FUT4: variants seen among roughly 807,000 people sequenced by gnomAD.
FUT4 encodes fucosyltransferase 4, also known as alpha-(1,3)-fucosyltransferase 4.
FUT4 carries 1 observed loss-of-function variant against 3.8 expected under a neutral mutation model. That is an observed-to-expected ratio of 0.26 (90% CI 0.09 to 1.25). The LOEUF (loss-of-function observed/expected upper bound fraction) is 1.25. FUT4 is among the 50% of genes most tolerant of loss of function. The probability of loss-of-function intolerance (pLI) is 0.47; values close to 1 mark genes in which losing one functional copy is unlikely to be tolerated. For missense variants in FUT4, 880 were observed against 768.2 expected (o/e 1.15, Z -1.72); for synonymous variants, 417 against 355.3 (o/e 1.17, Z -1.95).
chr11:94,545,963 T>C lies in FUT4; in HGVS notation c.*237T>C. 1.5e-6 allele frequency: 1 copy of C among 676,916 alleles called. No individual in the cohort carries two copies. Among genetic ancestry groups the C allele is most frequent in the East Asian group, 2.9e-5 (1 of 34,390 alleles). The allele number at this position is 676,916 out of a possible 1,614,324, so 41.9% of individuals were successfully genotyped here. On this transcript the variant is annotated 3_prime_UTR_variant, in exon 1 of 1. Transcript: ENST00000358752. Reference sequence around the variant, plus strand: ...TCCCTTTGCTGCTGATGGGCATCATTGTTTAGGGGTGAAGGAGGGGGTTCT... The same window carrying C: ...TCCCTTTGCTGCTGATGGGCATCATCGTTTAGGGGTGAAGGAGGGGGTTCT...
Position 94,544,784 on chromosome 11 carries a change from C to A in FUT4, c.651C>A (p.Ile217=). The change falls in exon 1 of 1, where the codon ATC becomes ATA. Residue 217 remains isoleucine, a synonymous_variant. Transcript: ENST00000358752. ...CTGACTGCCGGCTGCGCTTCAACAT[C>A]AGCGGCTGCCGCCTGCTCACCGACC... is the stretch of plus-strand genomic sequence containing the variant. ...PPPDCRLRFN[I]SGCRLLTDRA... 1 of 1,589,394 alleles carries A rather than the reference C, an allele frequency of 6.3e-7. No individual in the cohort carries two copies. The highest frequency in any genetic ancestry group is 1.3e-5 in the African/African-American group (1 of 74,670).
rs1565260095 is a variant in FUT4, at chr11:94,546,824, A to G, written c.*1098A>G. The G allele has an allele frequency of 6.0e-6, 1 of 167,020 alleles. No individual in the cohort carries two copies. Among genetic ancestry groups the G allele is most frequent in the Admixed American group, 6.5e-5 (1 of 15,292 alleles). 10.3% of individuals were successfully genotyped at this position (167,020 alleles called of 1,614,324 possible). A position where few individuals can be genotyped will look rare whatever the true frequency, so the allele number is the denominator to read the frequency against. ...ATTATGGAATCATGCAAAAGGAAAA[A>G]AAGTTTCATGATATCTGTTGTTGGC... On this transcript the variant is annotated 3_prime_UTR_variant, in exon 1 of 1. Coordinates refer to ENST00000358752, the MANE Select transcript of FUT4 (RefSeq NM_002033.4).
Position 94,545,234 on chromosome 11 carries a change from C to G in FUT4, c.1101C>G (p.Arg367=), listed in dbSNP as rs1427167278. 1 of 1,611,076 alleles carries G rather than the reference C, an allele frequency of 6.2e-7. No homozygotes were observed. The highest frequency in any genetic ancestry group is 8.5e-7 in the Non-Finnish European group (1 of 1,179,802). ...VAWVVSHWDE[R]QARVRYYHQL... is the part of the protein sequence containing the mutation. ...GGGTGGTGAGCCACTGGGACGAGCG[C>G]CAGGCCCGGGTCCGCTACTACCACC... The change falls in exon 1 of 1, where the codon CGC becomes CGG. Residue 367 remains arginine, a synonymous_variant. Transcript: ENST00000358752.
Position 94,549,270 on chromosome 11 carries a change from G to C in FUT4, c.*3544G>C, listed in dbSNP as rs1947900415. 6.0e-6 allele frequency: 1 copy of C among 167,054 alleles called. No homozygotes were observed. The highest frequency in any genetic ancestry group is 6.5e-5 in the Admixed American group (1 of 15,278). The allele number at this position is 167,054 out of a possible 1,614,324, so 10.3% of individuals were successfully genotyped here. ...CTTGAAGTACTCAGGATAGTGCCTG[G>C]CATGTAGGAAGCACCTGGAAAATAT... On this transcript the variant is annotated 3_prime_UTR_variant, in exon 1 of 1. Coordinates refer to ENST00000358752, the MANE Select transcript of FUT4 (RefSeq NM_002033.4).
In FUT4 at chr11:94,544,533, A is replaced by T. The variant is rs1947835269; in HGVS notation, c.400A>T (p.Thr134Ser). The change falls in exon 1 of 1, where the codon ACG becomes TCG. Residue 134 changes from threonine (T) to serine (S), a missense_variant. This residue lies in a region of FUT4 where 447 missense variants were observed against 339.5 expected (regional missense o/e 1.32). Transcript: ENST00000358752. ...CATGGGGGCACCGTGGGGCTCGCCG[A>T]CGGCGGCGGCGGGCGGGCGGCGCGG... ...RAMGAPWGSPTAAAGGRRGWR... is the reference protein window; with the variant it reads ...RAMGAPWGSPSAAAGGRRGWR... The T allele has an allele frequency of 7.7e-7, 1 of 1,291,560 alleles. No individual in the cohort carries two copies. The highest frequency in any genetic ancestry group is 9.7e-7 in the Non-Finnish European group (1 of 1,027,686). The allele number at this position is 1,291,560 out of a possible 1,614,324, so 80.0% of individuals were successfully genotyped here.
rs537864324 is a variant in FUT4, at chr11:94,549,245, C to G, written c.*3519C>G. 1 of 167,144 alleles carries G rather than the reference C, an allele frequency of 6.0e-6. No homozygotes were observed. The highest frequency in any genetic ancestry group is 2.4e-5 in the African/African-American group (1 of 41,560). The allele number at this position is 167,144 out of a possible 1,614,324, so 10.4% of individuals were successfully genotyped here. Reference sequence around the variant, plus strand: ...AGGTGTTGAGAGGATAGATTAGACACTTGAAGTACTCAGGATAGTGCCTGG... The same window carrying G: ...AGGTGTTGAGAGGATAGATTAGACAGTTGAAGTACTCAGGATAGTGCCTGG... On this transcript the variant is annotated 3_prime_UTR_variant, in exon 1 of 1. Transcript: ENST00000358752.
chr11:94,545,194 A>T lies in FUT4; in HGVS notation c.1061A>T (p.Gln354Leu), dbSNP rs1233179965. 1.2e-6 allele frequency: 2 copies of T among 1,611,076 alleles called. No individual in the cohort carries two copies. The highest frequency in any genetic ancestry group is 1.7e-6 in the Non-Finnish European group (2 of 1,179,682). ...SGLAPPLSRK[Q>L]GLVAWVVSHW... is the part of the protein sequence containing the mutation. ...CTGGCCCCGCCACTGTCCAGGAAAC[A>T]GGGGCTGGTGGCATGGGTGGTGAGC... Residue 354 changes from glutamine to leucine, a missense_variant, in exon 1 of 1, where the codon CAG becomes CTG. Physicochemically the swap from Gln to Leu is moderately radical, Grantham distance 113. Transcript: ENST00000358752.
chr11:94,549,050 T>TC lies in FUT4; in HGVS notation c.*3329dup, dbSNP rs1023095761. The TC allele has an allele frequency of 1.2e-5, 2 of 167,010 alleles. No individual in the cohort carries two copies. Among genetic ancestry groups the TC allele is most frequent in the African/African-American group, 2.4e-5 (1 of 41,432 alleles). The allele number at this position is 167,010 out of a possible 1,614,324, so 10.3% of individuals were successfully genotyped here. Reference sequence around the variant, plus strand: ...CTCCTTTACAATGCATGAATGCCTATCCCCCTACAAAACAAAGATTAAATG... The same window carrying TC: ...CTCCTTTACAATGCATGAATGCCTATCCCCCCTACAAAACAAAGATTAAATG... On this transcript the variant is annotated 3_prime_UTR_variant, in exon 1 of 1. Coordinates refer to ENST00000358752, the MANE Select transcript of FUT4 (RefSeq NM_002033.4).
chr11:94,548,030 AAATT>A lies in FUT4; in HGVS notation c.*2307_*2310del, dbSNP rs1591758719. ...TATATCTTAAGGTATGTTGTAGAAT[AAATT>A]AAAAGGATAATCTAAATCACCATTT... On this transcript the variant is annotated 3_prime_UTR_variant, in exon 1 of 1. Transcript: ENST00000358752. 6.0e-6 allele frequency: 1 copy of A among 166,824 alleles called. No homozygotes were observed. The highest frequency in any genetic ancestry group is 2.4e-5 in the African/African-American group (1 of 41,460). 10.3% of individuals were successfully genotyped at this position (166,824 alleles called of 1,614,324 possible).
In FUT4 at chr11:94,545,578, A is replaced by T. The variant is rs370382431; in HGVS notation, c.1445A>T (p.Tyr482Phe). The change falls in exon 1 of 1, where the codon TAT (tyrosine) becomes TTT (phenylalanine). Residue 482 changes from tyrosine to phenylalanine, a missense_variant. Transcript: ENST00000358752. ...TTCCTCGACCGCAACCCCGCGGTCT[A>T]TCGCCGCTACTTCCACTGGCGCCGG... ...LLFLDRNPAV[Y>F]RRYFHWRRSY... 6.2e-7 allele frequency: 1 copy of T among 1,613,338 alleles called. No individual in the cohort carries two copies.
rs771976264 is a variant in FUT4 at position 94,545,634 on chromosome 11, G to A, written c.1501G>A (p.Asp501Asn). The A allele has an allele frequency of 6.2e-7, 1 of 1,613,108 alleles. No homozygotes were observed. Among genetic ancestry groups the A allele is most frequent in the Non-Finnish European group, 8.5e-7 (1 of 1,180,038 alleles). Residue 501 changes from aspartate (D) to asparagine (N), a missense_variant, in exon 1 of 1, where the codon GAC becomes AAC. By Grantham distance (23) the Asp-to-Asn change is conservative (BLOSUM62 1). Coordinates refer to ENST00000358752, the MANE Select transcript of FUT4 (RefSeq NM_002033.4). ...SYAVHITSFW[D>N]EPWCRVCQAV... ...CGCTGTCCACATCACCTCCTTCTGG[G>A]ACGAGCCTTGGTGCCGGGTGTGCCA...
Position 94,544,740 on chromosome 11 carries a change from A to G in FUT4, c.607A>G (p.Ser203Gly), listed in dbSNP as rs1947839136. 6.6e-7 allele frequency: 1 copy of G among 1,515,574 alleles called. No homozygotes were observed. Among genetic ancestry groups the G allele is most frequent in the Non-Finnish European group, 8.8e-7 (1 of 1,133,924 alleles). 93.9% of individuals were successfully genotyped at this position (1,515,574 alleles called of 1,614,324 possible). A position where few individuals can be genotyped will look rare whatever the true frequency, so the allele number is the denominator to read the frequency against. ...LWWEPFGGRD[S>G]APRPPPDCRL... ...GTGGGAGCCCTTCGGGGGGCGCGATAGCGCCCCGAGGCCGCCCCCTGACTG... is the reference window on the plus strand; with the variant it reads ...GTGGGAGCCCTTCGGGGGGCGCGATGGCGCCCCGAGGCCGCCCCCTGACTG... The change falls in exon 1 of 1, where the codon AGC becomes GGC. Residue 203 changes from serine (S) to glycine (G), a missense_variant. Around this residue, in one of 3 missense-constraint regions of FUT4, gnomAD observed 447 missense variants for 339.5 expected, o/e 1.32. Coordinates refer to ENST00000358752, the MANE Select transcript of FUT4 (RefSeq NM_002033.4).
chr11:94,548,169 AT>A lies in FUT4; in HGVS notation c.*2452del, dbSNP rs11356310. ...TAAATTGGTATCTATTATTTTACCAATTTTTTTTTAGTATTAAGTCCATTTA... is the reference window on the plus strand; with the variant it reads ...TAAATTGGTATCTATTATTTTACCAATTTTTTTTAGTATTAAGTCCATTTA... On this transcript the variant is annotated 3_prime_UTR_variant, in exon 1 of 1. Transcript: ENST00000358752. The A allele has an allele frequency of 0.37, 60,519 of 165,440 alleles. 11,184 individuals are homozygous for A. Among genetic ancestry groups the A allele is most frequent in the Middle Eastern group, 0.4 (114 of 288 alleles). 10.2% of individuals were successfully genotyped at this position (165,440 alleles called of 1,614,324 possible). A position where few individuals can be genotyped will look rare whatever the true frequency, so the allele number is the denominator to read the frequency against.
Position 94,545,980 on chromosome 11 carries a change from G to A in FUT4, c.*254G>A, listed in dbSNP as rs1157334319. On this transcript the variant is annotated 3_prime_UTR_variant, in exon 1 of 1. Transcript: ENST00000358752. ...GGCATCATTGTTTAGGGGTGAAGGA[G>A]GGGGTTCTTCCTCACCTTGTAACCA... 3 of 648,250 alleles carry A rather than the reference G, an allele frequency of 4.6e-6. No individual in the cohort carries two copies. The African/African-American group carries it at 5.4e-5, about 12-fold the overall frequency. 40.2% of individuals were successfully genotyped at this position (648,250 alleles called of 1,614,324 possible). A position where few individuals can be genotyped will look rare whatever the true frequency, so the allele number is the denominator to read the frequency against.
Position 94,544,668 on chromosome 11 carries a change from C to G in FUT4, c.535C>G (p.Pro179Ala). 1 of 1,532,812 alleles carries G rather than the reference C, an allele frequency of 6.5e-7. No individual in the cohort carries two copies. The highest frequency in any genetic ancestry group is 8.7e-7 in the Non-Finnish European group (1 of 1,154,404). The allele number at this position is 1,532,812 out of a possible 1,614,324, so 95.0% of individuals were successfully genotyped here. ...YACWGQLPPL[P>A]WASPTPSRPV... ...TTGCTGGGGGCAGCTGCCGCCGCTG[C>G]CCTGGGCGTCGCCAACCCCGTCGCG... is the stretch of plus-strand genomic sequence containing the variant. Residue 179 changes from proline to alanine, a missense_variant, in exon 1 of 1, where the codon CCC becomes GCC. By Grantham distance (27) the Pro-to-Ala change is conservative. Coordinates refer to ENST00000358752, the MANE Select transcript of FUT4 (RefSeq NM_002033.4).
chr11:94,549,821 C>G lies in FUT4; in HGVS notation c.*4095C>G, dbSNP rs995227802. The G allele has an allele frequency of 1.8e-5, 3 of 166,784 alleles. No individual in the cohort carries two copies. Among genetic ancestry groups the G allele is most frequent in the Non-Finnish European group, 2.9e-5 (2 of 68,098 alleles). The allele number at this position is 166,784 out of a possible 1,614,324, so 10.3% of individuals were successfully genotyped here. On this transcript the variant is annotated 3_prime_UTR_variant, in exon 1 of 1. Transcript: ENST00000358752. The stretch of plus-strand genomic sequence containing the variant: ...CTCAGGGATTTCTATGCTACACATT[C>G]TTTTAACAAATCAAGTATTTATGTA...
chr11:94,545,711 C>G lies in FUT4; in HGVS notation c.1578C>G (p.Ser526Arg), dbSNP rs781326016. Reference protein sequence around the residue: ...DRPKSIRNLASWFER With the variant: ...DRPKSIRNLARWFER ...CCAAGAGCATACGGAACTTGGCCAG[C>G]TGGTTCGAGCGGTGAAGCCGCGCTC... The change falls in exon 1 of 1, where the codon AGC becomes AGG. Residue 526 changes from serine (S) to arginine (R), a missense_variant. Coordinates refer to ENST00000358752, the MANE Select transcript of FUT4 (RefSeq NM_002033.4). 1.6e-5 allele frequency: 25 copies of G among 1,611,462 alleles called. No individual in the cohort carries two copies. The Admixed American group carries it at 4.0e-4, about 26-fold the overall frequency.
chr11:94,545,636 C>A lies in FUT4; in HGVS notation c.1503C>A (p.Asp501Glu), dbSNP rs573031841. 1 of 1,613,104 alleles carries A rather than the reference C, an allele frequency of 6.2e-7. No individual in the cohort carries two copies. The highest frequency in any genetic ancestry group is 8.5e-7 in the Non-Finnish European group (1 of 1,180,036). ...CTGTCCACATCACCTCCTTCTGGGA[C>A]GAGCCTTGGTGCCGGGTGTGCCAGG... ...SYAVHITSFW[D>E]EPWCRVCQAV... Residue 501 changes from aspartate (D) to glutamate (E), a missense_variant, in exon 1 of 1, where the codon GAC (aspartate) becomes GAA (glutamate). Physicochemically the swap from Asp to Glu is conservative, Grantham distance 45 (BLOSUM62 2). Coordinates refer to ENST00000358752, the MANE Select transcript of FUT4 (RefSeq NM_002033.4).
In FUT4 at chr11:94,544,615, T is replaced by C. The variant is rs1335968946; in HGVS notation, c.482T>C (p.Leu161Ser). The C allele has an allele frequency of 1.4e-6, 2 of 1,475,178 alleles. No individual in the cohort carries two copies. The highest frequency in any genetic ancestry group is 1.4e-5 in the South Asian group (1 of 69,572). 91.4% of individuals were successfully genotyped at this position (1,475,178 alleles called of 1,614,324 possible). The change falls in exon 1 of 1, where the codon TTG (leucine) becomes TCG (serine). Residue 161 changes from leucine (L) to serine (S), a missense_variant. By Grantham distance (145) the Leu-to-Ser change is moderately radical. Transcript: ENST00000358752. ...GTCTGTGTGCTGGCGGCCGCCGGCT[T>C]GACGTGTACGGCGCTGATCACCTAC... is the stretch of plus-strand genomic sequence containing the variant. ...WTVCVLAAAG[L>S]TCTALITYAC...
Sources: gnomAD v4.1 joint callset for allele counts on GRCh38, gnomAD v4.1.1 for gene constraint, gnomAD v4.1.1 regional missense constraint, MANE v1.5 for transcripts, NCBI Gene and HGNC (gene_info 2026-07-23, HGNC 2026-07-21) for gene names.